Variants in CNTN4 observed in about 807,000 individuals in gnomAD.
The protein encoded by CNTN4 is contactin 4, also known as contactin-4.
CNTN4 carries 77 observed loss-of-function variants against 122.5 expected under a neutral mutation model. The ratio of observed to expected loss-of-function variants is 0.63; its 90% CI spans 0.52 to 0.76. CNTN4 has a LOEUF of 0.76. CNTN4 is among the 30% of genes least tolerant of loss of function. The pLI, the probability that CNTN4 is intolerant of heterozygous loss-of-function variation, is 0.00. For synonymous variants in CNTN4, 512 were observed against 447.0 expected (o/e 1.15, Z -1.83); for missense variants, 1,256 against 1,259.1 (o/e 1.00, Z 0.04).
chr3:2,665,519 T>C (rs1010548807), intron 4 of CNTN4, among the ~76,000 whole-genome samples: 5 of 152,184 alleles, frequency 3.3e-5, no homozygotes, highest in East Asian at 1.9e-4. Flanking sequence ...GAAATTGAGA[T>C]TGACATCTCT....
intron 4 of CNTN4, among the ~76,000 whole-genome samples, chr3:2,679,816 C>G (rs1287826041): frequency 1.3e-5 from 2 of 152,180 alleles, no homozygotes; most frequent in African/African-American, 4.8e-5. Context: ...ATCATTCATT[C>G]TCACTATAAT....
At chr3:2,869,345 GAGA>G (rs2093759878) in intron 8 of CNTN4, among the ~76,000 whole-genome samples, 1 of 152,246 alleles carries the variant, frequency 6.6e-6, no homozygotes, top group South Asian at 2.1e-4. Context: ...GGTAACAGCA[GAGA>G]AGGAGAGAAA....
intron 2 of CNTN4, among the ~76,000 whole-genome samples, chr3:2,305,822 A>T (rs1480412699): frequency 6.6e-6 from 1 of 152,198 alleles, no homozygotes. Context: ...AACAACCACC[A>T]ATGTACAATC....
intron 3 of CNTN4, among the ~76,000 whole-genome samples, chr3:2,344,181 G>A (rs1484050171): frequency 6.6e-6 from 1 of 151,998 alleles, no homozygotes; most frequent in Non-Finnish European, 1.5e-5. Flanking sequence ...CTATATCAGT[G>A]ATATAACAAA....
chr3:3,007,939 A>G (rs1415512414), intron 14 of CNTN4, among the ~76,000 whole-genome samples: 1 of 152,164 alleles, frequency 6.6e-6, no homozygotes, highest in Non-Finnish European at 1.5e-5. Flanking sequence ...ATAAAGTCAT[A>G]CCCTGTTTTG....
rs1475543974 is a variant in CNTN4 at position 2,900,700 on chromosome 3, T to G, written c.956T>G (p.Ile319Ser). The G allele has an allele frequency of 3.7e-6, 6 of 1,613,750 alleles. No individual in the cohort carries two copies. Among genetic ancestry groups the G allele is most frequent in the Non-Finnish European group, 5.1e-6 (6 of 1,179,716 alleles). Residue 319 changes from isoleucine (I) to serine (S), a missense_variant, in exon 11 of 25, where the codon ATT becomes AGT. Transcript: ENST00000418658. ...ATGCCTATAGCTCAACCTAATTGGA[T>G]TCAAAAAATAAATGATATTCACGTG... ...QLTFYAQPNW[I>S]QKINDIHVAM... is the part of the protein sequence containing the mutation.
intron 3 of CNTN4, among the ~76,000 whole-genome samples, chr3:2,423,030 T>G (rs1244927666): frequency 1.3e-5 from 2 of 152,334 alleles, no homozygotes; most frequent in East Asian, 1.9e-4. Flanking sequence ...TTTTAGCATG[T>G]AAAGCGACTG....
chr3:2,551,683 A>G lies in CNTN4; in HGVS notation c.-88-19733A>G, dbSNP rs546986372. On this transcript the variant is annotated intron_variant, in intron 3 of 24. Transcript: ENST00000418658. Reference sequence around the variant, plus strand: ...TGTGAAGATTTTAAGTAATGCAGAAAAGTAAAAAAAATACCTTCCCTAATG... The same window carrying G: ...TGTGAAGATTTTAAGTAATGCAGAAGAGTAAAAAAAATACCTTCCCTAATG... Among the ~76,000 whole-genome samples the G allele has an allele frequency of 2.4e-4, 36 of 152,286 alleles. No individual in the cohort carries two copies. In the South Asian group the frequency reaches 7.2e-3, roughly 31 times the overall value.
At chr3:2,748,883 T>C (rs2089943959) in intron 6 of CNTN4, among the ~76,000 whole-genome samples, 4 of 152,352 alleles carry the variant, frequency 2.6e-5, no homozygotes, top group Middle Eastern at 3.4e-3. Context: ...CTCATTACCA[T>C]GGTCTCATTT....
chr3:2,206,378 G>A (rs2038343254), intron 2 of CNTN4, among the ~76,000 whole-genome samples: 1 of 151,990 alleles, frequency 6.6e-6, no homozygotes, highest in Admixed American at 6.6e-5. Context: ...CATTTCATTT[G>A]TGAAGAAAAC....
chr3:2,432,893 C>T (rs536227470), intron 3 of CNTN4, among the ~76,000 whole-genome samples: 10 of 150,808 alleles, frequency 6.6e-5, no homozygotes, highest in African/African-American at 2.4e-4. Context: ...ACTGCAGCAT[C>T]CACAGCTCAG....
intron 2 of CNTN4, among the ~76,000 whole-genome samples, chr3:2,209,383 G>T (rs2038504706): frequency 6.6e-6 from 1 of 152,114 alleles, no homozygotes; most frequent in African/African-American, 2.4e-5. Flanking sequence ...AATCAAGTTG[G>T]CTGATCAAGT....
In CNTN4 at chr3:2,755,891, C is replaced by T. The variant is rs2090314765; in HGVS notation, c.358+10194C>T. Among the ~76,000 whole-genome samples the T allele has an allele frequency of 5.3e-5, 8 of 152,032 alleles. No homozygotes were observed. In the South Asian group the frequency reaches 1.7e-3, roughly 32 times the overall value. Reference sequence around the variant, plus strand: ...ATATTTTGTATCACCATAAAAAAACCAAGGTACTAAAATATCACTCCTTTT... The same window carrying T: ...ATATTTTGTATCACCATAAAAAAACTAAGGTACTAAAATATCACTCCTTTT... On this transcript the variant is annotated intron_variant, in intron 6 of 24. Coordinates refer to ENST00000418658, the MANE Select transcript of CNTN4 (RefSeq NM_175607.3).
At chr3:2,473,740 C>T (rs574919883) in intron 3 of CNTN4, among the ~76,000 whole-genome samples, 2 of 152,124 alleles carry the variant, frequency 1.3e-5, no homozygotes, top group South Asian at 2.1e-4. Flanking sequence ...CGGCCAGGCG[C>T]GGTGGCTCAT....
intron 2 of CNTN4, chr3:2,110,747 T>C (rs1441991699): frequency 2.0e-5 from 3 of 151,784 alleles, no homozygotes; most frequent in Non-Finnish European, 2.9e-5. Context: ...TTGGTTGTTG[T>C]TGTGAGAGAG....
chr3:2,613,868 C>A (rs1414941113), intron 4 of CNTN4, among the ~76,000 whole-genome samples: 2 of 152,022 alleles, frequency 1.3e-5, no homozygotes, highest in Admixed American at 6.6e-5. Flanking sequence ...TCTTTCTGTT[C>A]CACATTGAAT....
intron 10 of CNTN4, among the ~76,000 whole-genome samples, chr3:2,891,036 A>G (rs1577173717): frequency 6.6e-6 from 1 of 152,290 alleles, no homozygotes; most frequent in South Asian, 2.1e-4. Flanking sequence ...AGACATTATC[A>G]GGCACTATGG....
At chr3:2,616,020 C>CTTT (rs35080057) in intron 4 of CNTN4, among the ~76,000 whole-genome samples, 17 of 143,014 alleles carry the variant, frequency 1.2e-4, no homozygotes, top group African/African-American at 3.9e-4. Context: ...CTCAGGCTGC[C>CTTT]TTTTTTTTTT....
chr3:2,355,571 C>T (rs1455565305), intron 3 of CNTN4, among the ~76,000 whole-genome samples: 4 of 152,178 alleles, frequency 2.6e-5, no homozygotes, highest in Non-Finnish European at 5.9e-5. Context: ...TGGCACTTAG[C>T]ATTCTCTCTT....
Sources: allele counts gnomAD v4.1 joint callset (sites outside exome capture counted in the v4.1 genomes callset), GRCh38; gene constraint gnomAD v4.1.1; transcripts MANE v1.5; gene names NCBI Gene and HGNC (gene_info 2026-07-23, HGNC 2026-07-21).